Variants in CSGALNACT1 observed in about 807,000 individuals in gnomAD.
CSGALNACT1 encodes beta4GalNAcT-1.
CSGALNACT1 carries 52 observed loss-of-function variants against 51.0 expected under a neutral mutation model. The ratio of observed to expected loss-of-function variants is 1.02; its 90% CI spans 0.82 to 1.29. The LOEUF (loss-of-function observed/expected upper bound fraction) is 1.29. CSGALNACT1 is among the 50% of genes most tolerant of loss of function. The pLI is 0.00. For missense variants in CSGALNACT1, 935 were observed against 679.2 expected (o/e 1.38, Z -4.19); for synonymous variants, 341 against 254.4 (o/e 1.34, Z -3.24).
In CSGALNACT1 at chr8:19,607,505, C is replaced by A. The variant is rs367733302; in HGVS notation, c.-543-5640G>T. Among the ~76,000 whole-genome samples the A allele has an allele frequency of 5.3e-5, 8 of 152,294 alleles. No homozygotes were observed. The South Asian group carries it at 1.7e-3, about 32-fold the overall frequency. On this transcript the variant is annotated intron_variant, in intron 1 of 9. Transcript: ENST00000332246. ...GAGCTATTTTCCAGCAAACGGTCTGCAGTGCCATAGTTACACTCCACATGC... is the reference window on the plus strand; with the variant it reads ...GAGCTATTTTCCAGCAAACGGTCTGAAGTGCCATAGTTACACTCCACATGC...
chr8:19,615,950 T>A (rs1319663195), intron 1 of CSGALNACT1, among the ~76,000 whole-genome samples: 4 of 152,182 alleles, frequency 2.6e-5, no homozygotes, highest in African/African-American at 7.2e-5. Flanking sequence ...TTATAATACT[T>A]TTATCATAGA....
At chr8:19,544,200 T>C (rs538577497) in intron 3 of CSGALNACT1, among the ~76,000 whole-genome samples, 1 of 152,266 alleles carries the variant, frequency 6.6e-6, no homozygotes, top group East Asian at 1.9e-4. Context: ...ACAAATCTGT[T>C]CCTTGCCAGA....
At chr8:19,750,908 C>T (rs1437659529) in intron 1 of CSGALNACT1, among the ~76,000 whole-genome samples, 1 of 152,054 alleles carries the variant, frequency 6.6e-6, no homozygotes, top group African/African-American at 2.4e-5. Context: ...ACACCTTGAT[C>T]GGAAGTTAGA....
intron 4 of CSGALNACT1, among the ~76,000 whole-genome samples, chr8:19,493,905 CAT>C (rs1491372863): frequency 7.0e-6 from 1 of 143,338 alleles, no homozygotes; most frequent in East Asian, 2.0e-4. Flanking sequence ...CACACACACA[CAT>C]CTAGGAGTGG....
At chr8:19,667,562 C>G (rs2059479786) in intron 1 of CSGALNACT1, among the ~76,000 whole-genome samples, 1 of 152,190 alleles carries the variant, frequency 6.6e-6, no homozygotes, top group African/African-American at 2.4e-5. Flanking sequence ...TCGTGTTCCA[C>G]CCCCTTTGAA....
chr8:19,408,978 A>ACACACACACACACACACAC (rs57424251), intron 8 of CSGALNACT1, among the ~76,000 whole-genome samples: 1 of 150,886 alleles, frequency 6.6e-6, no homozygotes. Context: ...ACACACACAC[A>ACACACACACACACACACAC]ATCAAAAACA....
Position 19,587,032 on chromosome 8 carries a change from G to A in CSGALNACT1, c.-297+4128C>T, listed in dbSNP as rs113798300. ...AAGAGGTTTCCTGGAAGGTCAGTAT[G>A]GTGCAAACATTCACTTAAAAATGTG... On this transcript the variant is annotated intron_variant, in intron 3 of 9. Transcript: ENST00000454498. Among the ~76,000 whole-genome samples, 918 of 152,306 alleles carry A rather than the reference G, an allele frequency of 6.0e-3. 6 individuals carry two copies. The highest frequency in any genetic ancestry group is 0.01 in the Non-Finnish European group (709 of 68,038).
intron 6 of CSGALNACT1, among the ~76,000 whole-genome samples, chr8:19,421,505 G>A (rs2057931199): frequency 1.3e-5 from 2 of 151,998 alleles, no homozygotes; most frequent in South Asian, 4.2e-4. Flanking sequence ...TCCTGTCAAC[G>A]ACACCCTTCT....
chr8:19,603,967 G>C (rs2050976556), upstream of CSGALNACT1, among the ~76,000 whole-genome samples: 1 of 152,166 alleles, frequency 6.6e-6, no homozygotes. Context: ...TCGAGCCCTG[G>C]AGTGTGTGGT....
intron 3 of CSGALNACT1, among the ~76,000 whole-genome samples, chr8:19,576,068 G>A (rs983743449): frequency 6.5e-4 from 99 of 152,248 alleles, no homozygotes; most frequent in African/African-American, 2.3e-3. Context: ...AGTGGGTGCT[G>A]TCTGCTAGCC....
intron 1 of CSGALNACT1, among the ~76,000 whole-genome samples, chr8:19,624,097 A>T (rs2054158498): frequency 6.6e-6 from 1 of 152,216 alleles, no homozygotes; most frequent in South Asian, 2.1e-4. Flanking sequence ...GCCCAGCACC[A>T]TTCTCCTAGT....
chr8:19,519,189 G>A (rs1279278359), intron 3 of CSGALNACT1, among the ~76,000 whole-genome samples: 2 of 152,152 alleles, frequency 1.3e-5, no homozygotes, highest in Non-Finnish European at 2.9e-5. Flanking sequence ...GGGCAGCCCT[G>A]GGGGTGGGGG....
chr8:19,619,215 T>G (rs556220330), intron 1 of CSGALNACT1, among the ~76,000 whole-genome samples: 3 of 121,228 alleles, frequency 2.5e-5, no homozygotes, highest in South Asian at 2.8e-4. Flanking sequence ...AGGTAAGAAA[T>G]GGGAGACAGG....
rs2063483246 is a variant in CSGALNACT1, at chr8:19,453,057, G to A, written c.851+5369C>T. On this transcript the variant is annotated intron_variant, in intron 5 of 9. Coordinates refer to ENST00000454498, the Ensembl canonical transcript of CSGALNACT1. ...GGCTGGGTAGTCCCCTGCACGTAAT[G>A]AGAAAAGATAAAAAAGAAATCATAG... Among the ~76,000 whole-genome samples, 4 of 152,044 alleles carry A rather than the reference G, an allele frequency of 2.6e-5. No homozygotes were observed. In the South Asian group the frequency reaches 8.3e-4, roughly 32 times the overall value.
At chr8:19,426,315 G>A (rs1449243595) in intron 6 of CSGALNACT1, among the ~76,000 whole-genome samples, 1 of 152,174 alleles carries the variant, frequency 6.6e-6, no homozygotes, top group Middle Eastern at 3.2e-3. Context: ...ATCAGAAAGA[G>A]GCTGTGACCA....
At chr8:19,528,399 TAA>T (rs2082118031) in intron 3 of CSGALNACT1, among the ~76,000 whole-genome samples, 1 of 152,018 alleles carries the variant, frequency 6.6e-6, no homozygotes, top group Non-Finnish European at 1.5e-5. Flanking sequence ...ACACAAGTGA[TAA>T]AGAGAGACAA....
intron 1 of CSGALNACT1, among the ~76,000 whole-genome samples, chr8:19,704,093 T>G (rs1248014713): frequency 1.3e-5 from 2 of 152,226 alleles, no homozygotes; most frequent in African/African-American, 2.4e-5. Flanking sequence ...ATGAGAATGC[T>G]CTGAATTAAC....
At chr8:19,574,989 A>C (rs1269784017) in intron 3 of CSGALNACT1, among the ~76,000 whole-genome samples, 5 of 151,782 alleles carry the variant, frequency 3.3e-5, no homozygotes, top group Non-Finnish European at 1.5e-5. Context: ...GAGGTGAGAT[A>C]GCGCCACTGC....
chr8:19,573,285 A>G (rs1004666557), intron 3 of CSGALNACT1, among the ~76,000 whole-genome samples: 1 of 152,222 alleles, frequency 6.6e-6, no homozygotes, highest in Admixed American at 6.5e-5. Flanking sequence ...CAACTGCTGG[A>G]AAGTGATCAA....
Sources: gnomAD v4.1 joint callset for allele counts (sites outside exome capture counted in the v4.1 genomes callset) on GRCh38, gnomAD v4.1.1 for gene constraint, MANE v1.5 for transcripts, NCBI Gene and HGNC (gene_info 2026-07-23, HGNC 2026-07-21) for gene names.